STK3: variants seen among roughly 807,000 people sequenced by gnomAD.
STK3 encodes the protein serine/threonine kinase 3.
A neutral mutation model predicts 58.0 loss-of-function variants in STK3; 41 were observed. The observed-to-expected ratio is 0.71, with a 90% CI of 0.55 to 0.92. The LOEUF is 0.92. Among genes scored for constraint, STK3 ranks in the 40% least tolerant of loss-of-function variants. The pLI, the probability that STK3 is intolerant of heterozygous loss-of-function variation, is 0.00. For synonymous variants in STK3, 170 were observed against 191.0 expected (o/e 0.89, Z 0.91); for missense variants, 479 against 602.7 (o/e 0.79, Z 2.15).
At chr8:98,386,756 T>A (rs187148893) in intron 1 of STK3, among the ~76,000 whole-genome samples, 3 of 152,052 alleles carry the variant, frequency 2.0e-5, no homozygotes, top group East Asian at 1.9e-4. Flanking sequence ...ACAGTGGGTA[T>A]ATCACCTGAG....
intron 4 of STK3, among the ~76,000 whole-genome samples, chr8:98,744,879 A>G (rs1222715356): frequency 6.6e-6 from 1 of 152,090 alleles, no homozygotes; most frequent in Non-Finnish European, 1.5e-5. Context: ...AAATTGTGTT[A>G]GGACAATTAG....
chr8:98,755,655 G>T (rs540606359), intron 3 of STK3, among the ~76,000 whole-genome samples: 1 of 152,322 alleles, frequency 6.6e-6, no homozygotes, highest in East Asian at 1.9e-4. Context: ...GAGTTCATAT[G>T]TATACAGTGG....
Position 98,832,697 on chromosome 8 carries a change from A to AG in STK3, c.110+50949dup, listed in dbSNP as rs551165300. The stretch of plus-strand genomic sequence containing the variant: ...GGTTTCTCTGGGGTCCCCTTGGCCA[A>AG]GGGGGGGTCCATTCAGTTGGCTGCG... On this transcript the variant is annotated intron_variant, in intron 3 of 12. Coordinates refer to the STK3 transcript ENST00000523601. Among the ~76,000 whole-genome samples, 1,126 of 151,758 alleles carry AG rather than the reference A, an allele frequency of 7.4e-3. 9 individuals are homozygous for AG. The highest frequency in any genetic ancestry group is 0.024 in the African/African-American group (996 of 41,406).
At chr8:98,531,352 C>A (rs1019870200) in intron 9 of STK3, among the ~76,000 whole-genome samples, 4 of 152,188 alleles carry the variant, frequency 2.6e-5, no homozygotes, top group South Asian at 2.1e-4. Flanking sequence ...TTCCATCAGA[C>A]CCCTTGGGTG....
intron 6 of STK3, among the ~76,000 whole-genome samples, chr8:98,621,596 T>C (rs971545548): frequency 6.6e-6 from 1 of 152,200 alleles, no homozygotes; most frequent in Non-Finnish European, 1.5e-5. Flanking sequence ...TCTGAGATCA[T>C]TCAATACCGT....
intron 1 of STK3, chr8:98,904,814 G>A: frequency 4.5e-6 from 3 of 661,028 alleles, no homozygotes; most frequent in South Asian, 4.1e-5. Context: ...TAGCTGAAGT[G>A]GCAGCAGCAC....
intron 1 of STK3, among the ~76,000 whole-genome samples, chr8:98,814,499 G>A (rs570711768): frequency 6.6e-6 from 1 of 151,462 alleles, no homozygotes; most frequent in African/African-American, 2.4e-5. Context: ...GCGCCACCAC[G>A]CCCAGCTAAT....
intron 8 of STK3, among the ~76,000 whole-genome samples, chr8:98,572,054 G>A (rs115811679): frequency 6.6e-6 from 1 of 152,038 alleles, no homozygotes; most frequent in Admixed American, 6.6e-5. Flanking sequence ...TATTTGCTTT[G>A]CTGTTTTACT....
chr8:98,895,113 A>G (rs1838397953), intron 1 of STK3, among the ~76,000 whole-genome samples: 1 of 152,206 alleles, frequency 6.6e-6, no homozygotes, highest in Admixed American at 6.5e-5. Context: ...CTGAGTCTGA[A>G]AGAAGACACA....
At chr8:98,366,906 G>A (rs952229794), downstream of STK3, among the ~76,000 whole-genome samples, 1 of 152,210 alleles carries the variant, frequency 6.6e-6, no homozygotes. Flanking sequence ...AACTACACAT[G>A]CATTATTCAT....
At chr8:98,469,549 G>A (rs987965087) in intron 10 of STK3, among the ~76,000 whole-genome samples, 6 of 152,314 alleles carry the variant, frequency 3.9e-5, no homozygotes, top group Admixed American at 2.0e-4. Context: ...CTGAGGTTGG[G>A]GGACAGCACA....
At chr8:98,847,662 G>A (rs1836262010) in intron 3 of STK3, among the ~76,000 whole-genome samples, 1 of 152,086 alleles carries the variant, frequency 6.6e-6, no homozygotes, top group African/African-American at 2.4e-5. Context: ...AGGAGGCCTG[G>A]GGGTCAAGCT....
intron 4 of STK3, among the ~76,000 whole-genome samples, chr8:98,748,700 A>C (rs970444281): frequency 2.6e-5 from 4 of 152,006 alleles, no homozygotes; most frequent in Non-Finnish European, 4.4e-5. Context: ...TGTAAATAGC[A>C]CTTCTAGTTA....
In STK3 at chr8:98,800,854, C is replaced by A. The variant is rs974975142; in HGVS notation, c.26+24661G>T. Among the ~76,000 whole-genome samples the A allele has an allele frequency of 6.6e-6, 1 of 152,240 alleles. No individual in the cohort carries two copies. Reference sequence around the variant, plus strand: ...GCAGGGCTCAGGACCTGCAGCCCCCCATGCCAGAGCCCCCCCCACCAAGGT... The same window carrying A: ...GCAGGGCTCAGGACCTGCAGCCCCCAATGCCAGAGCCCCCCCCACCAAGGT... On this transcript the variant is annotated intron_variant, in intron 1 of 10. Transcript: ENST00000419617. This position sits in a 1 kb window ranked among gnomAD's most constrained non-coding sequence, Gnocchi z 4.8.
chr8:98,440,809 T>C (rs1368632503), intron 1 of STK3, among the ~76,000 whole-genome samples: 1 of 152,206 alleles, frequency 6.6e-6, no homozygotes, highest in African/African-American at 2.4e-5. Context: ...TAGGTTCTAG[T>C]ATAATTTTCA....
At chr8:98,681,403 GA>G in intron 6 of STK3, among the ~76,000 whole-genome samples, 1 of 152,080 alleles carries the variant, frequency 6.6e-6, no homozygotes, top group Middle Eastern at 3.4e-3. Context: ...CAAGTATCAT[GA>G]AGGACCAATT....
chr8:98,479,618 C>T (rs1415826586), intron 10 of STK3, among the ~76,000 whole-genome samples: 2 of 151,664 alleles, frequency 1.3e-5, no homozygotes, highest in East Asian at 3.9e-4. Flanking sequence ...AAACCAACTA[C>T]TGAAGTCTCT....
Position 98,446,241 on chromosome 8 carries a change from T to C in STK3, n.186-9033A>G, listed in dbSNP as rs573114366. On this transcript the variant is annotated intron_variant and non_coding_transcript_variant, in intron 1 of 3. Transcript: ENST00000517832. ...ACTCCTGCAGGGCTTTGTTTACATC[T>C]TTCTTATTGCAATGACCACACGTGG... is the stretch of plus-strand genomic sequence containing the variant. Among the ~76,000 whole-genome samples, 11 of 152,350 alleles carry C rather than the reference T, an allele frequency of 7.2e-5. No individual in the cohort carries two copies. In the South Asian group the frequency reaches 2.1e-3, roughly 29 times the overall value.
At chr8:98,684,453 A>G (rs1823844763) in intron 6 of STK3, among the ~76,000 whole-genome samples, 1 of 152,216 alleles carries the variant, frequency 6.6e-6, no homozygotes, top group Non-Finnish European at 1.5e-5. Flanking sequence ...CTTAAGTAAC[A>G]ATAGTAAATA....
Sources: gnomAD v4.1 joint callset for allele counts (sites outside exome capture counted in the v4.1 genomes callset) on GRCh38, gnomAD v4.1.1 for gene constraint, Gnocchi (gnomAD v3.1) non-coding constraint, MANE v1.5 for transcripts, NCBI Gene and HGNC (gene_info 2026-07-23, HGNC 2026-07-21) for gene names.